The following SLC10A7 variants were observed in gnomAD, a reference collection of about 807,000 sequenced individuals.
SLC10A7 encodes the protein sodium/bile acid cotransporter 7.
In SLC10A7, 29 loss-of-function variants were observed where a neutral mutation model predicts 43.2. The observed-to-expected ratio is 0.67, with a 90% CI of 0.50 to 0.92. SLC10A7 has a LOEUF of 0.92. Among genes scored for constraint, SLC10A7 ranks in the 40% least tolerant of loss-of-function variants. The pLI, the probability that SLC10A7 is intolerant of heterozygous loss-of-function variation, is 0.00. For synonymous variants in SLC10A7, 152 were observed against 144.8 expected, an observed-to-expected ratio of 1.05 and a Z score of -0.35; for missense variants, 295 against 403.2, an observed-to-expected ratio of 0.73 and a Z score of 2.30.
intron 10 of SLC10A7, among the ~76,000 whole-genome samples, chr4:146,259,127 C>G (rs34821261): frequency 6.6e-6 from 1 of 152,062 alleles, no homozygotes; most frequent in Non-Finnish European, 1.5e-5. Flanking sequence ...GAGAAGATTG[C>G]GTGTGATGGA....
chr4:146,344,240 C>T (rs1734460852), intron 5 of SLC10A7, among the ~76,000 whole-genome samples: 1 of 152,114 alleles, frequency 6.6e-6, no homozygotes, highest in South Asian at 2.1e-4. Context: ...GGAGACTATG[C>T]CTTACACCAG....
intron 5 of SLC10A7, among the ~76,000 whole-genome samples, chr4:146,398,373 GGTTAAAGATATA>G (rs1055567855): frequency 1.3e-5 from 2 of 152,064 alleles, no homozygotes; most frequent in Non-Finnish European, 2.9e-5. Context: ...TTAACTTTCT[GGTTAAAGATATA>G]GTTAGAGAAG....
chr4:146,280,973 G>A (rs191325902), intron 10 of SLC10A7, among the ~76,000 whole-genome samples: 1 of 152,258 alleles, frequency 6.6e-6, no homozygotes, highest in East Asian at 1.9e-4. Flanking sequence ...TGTCTATCAT[G>A]TTATGAAAGT....
At chr4:146,361,037 G>A (rs139715624) in intron 5 of SLC10A7, among the ~76,000 whole-genome samples, 56 of 151,992 alleles carry the variant, frequency 3.7e-4, no homozygotes, top group Non-Finnish European at 6.8e-4. Context: ...CATCTTTCAG[G>A]TATCAGCACT....
rs1430021595 is a variant in SLC10A7 at position 146,256,509 on chromosome 4, C to T, written c.1005G>A (p.Leu335=). Residue 335 remains leucine, a synonymous_variant, in exon 12 of 12, where the codon CTG becomes CTA. Coordinates refer to ENST00000335472, the MANE Select transcript of SLC10A7 (RefSeq NM_001029998.6). ...WMVSRQKGVK[L]TRPTV is the part of the protein sequence containing the mutation. ...TCCTTTGTTATACTGTCGGCCTTGTCAGCTTCACTCCCTACAAGGAAGGAA... is the reference window on the plus strand; with the variant it reads ...TCCTTTGTTATACTGTCGGCCTTGTTAGCTTCACTCCCTACAAGGAAGGAA... The T allele has an allele frequency of 6.2e-7, 1 of 1,614,082 alleles. No individual in the cohort carries two copies. The highest frequency in any genetic ancestry group is 2.2e-5 in the East Asian group (1 of 44,892).
At chr4:146,374,665 T>C (rs1399896397) in intron 5 of SLC10A7, among the ~76,000 whole-genome samples, 46 of 147,602 alleles carry the variant, frequency 3.1e-4, no homozygotes, top group South Asian at 8.6e-4. Flanking sequence ...CACACACATA[T>C]ATATATATTT....
At chr4:146,512,039 T>C (rs540496448) in intron 2 of SLC10A7, among the ~76,000 whole-genome samples, 1 of 138,368 alleles carries the variant, frequency 7.2e-6, no homozygotes, top group Non-Finnish European at 1.5e-5. Flanking sequence ...GATGGTGCGA[T>C]CTCGGCTCAC....
intron 10 of SLC10A7, among the ~76,000 whole-genome samples, chr4:146,273,393 T>C (rs904391463): frequency 1.3e-5 from 2 of 152,084 alleles, no homozygotes; most frequent in Admixed American, 1.3e-4. Context: ...GCTTTGAAAT[T>C]AGAGACCTGA....
chr4:146,316,665 G>A (rs1484013854), intron 6 of SLC10A7, among the ~76,000 whole-genome samples: 1 of 151,996 alleles, frequency 6.6e-6, no homozygotes, highest in Non-Finnish European at 1.5e-5. Flanking sequence ...GTAGTAAAAG[G>A]TGATACTTCA....
At chr4:146,470,912 C>G (rs559861314) in intron 4 of SLC10A7, among the ~76,000 whole-genome samples, 144 of 152,276 alleles carry the variant, frequency 9.5e-4, no homozygotes, top group African/African-American at 3.4e-3. Flanking sequence ...GTGCATGTAT[C>G]ATCTTTACAT....
intron 5 of SLC10A7, among the ~76,000 whole-genome samples, chr4:146,335,250 GTAAA>G (rs1560809129): frequency 2.8e-5 from 2 of 70,624 alleles, no homozygotes; most frequent in South Asian, 6.7e-4. Context: ...CACAGATGTT[GTAAA>G]AAAAAAAAAA....
At chr4:146,371,903 G>A (rs1412910486) in intron 5 of SLC10A7, among the ~76,000 whole-genome samples, 2 of 152,154 alleles carry the variant, frequency 1.3e-5, no homozygotes, top group African/African-American at 2.4e-5. Context: ...ATAAGGAAAT[G>A]AAGTAAGTAT....
intron 4 of SLC10A7, among the ~76,000 whole-genome samples, chr4:146,450,601 G>A (rs1731496252): frequency 6.6e-6 from 1 of 152,152 alleles, no homozygotes; most frequent in Non-Finnish European, 1.5e-5. Flanking sequence ...TGAGACATCT[G>A]CAGAAAGCAG....
At chr4:146,509,766 A>G in intron 3 of SLC10A7, 147 bp downstream of exon 3, 2 of 614,934 alleles carry the variant, frequency 3.3e-6, no homozygotes, top group Non-Finnish European at 5.1e-6. Context: ...ATGAAATACT[A>G]TTGTTTTAAA....
intron 4 of SLC10A7, among the ~76,000 whole-genome samples, chr4:146,492,225 A>C (rs1189958699): frequency 6.6e-6 from 1 of 151,968 alleles, no homozygotes; most frequent in East Asian, 1.9e-4. Flanking sequence ...GTCTCAAAAA[A>C]AAAAAAGGAA....
chr4:146,344,995 T>C (rs1734519087), intron 5 of SLC10A7, among the ~76,000 whole-genome samples: 1 of 152,136 alleles, frequency 6.6e-6, no homozygotes, highest in African/African-American at 2.4e-5. Context: ...GAGAACACTG[T>C]TCCGGAAGAA....
intron 4 of SLC10A7, 96 bp downstream of exon 4, chr4:146,503,753 T>G (rs1560973337): frequency 8.9e-7 from 1 of 1,127,682 alleles, no homozygotes; most frequent in Admixed American, 2.0e-5. Context: ...AGGAGTTTTC[T>G]GCAACATCAA....
rs568812940 is a variant in SLC10A7, at chr4:146,260,906, G to A, written c.848-2069C>T. ...ACTCCCGTGCTCGCCACACCAGGAC[G>A]TCCCTGTGATTTCAAATATGTCAAA... On this transcript the variant is annotated intron_variant, in intron 10 of 11. Coordinates refer to ENST00000335472, the MANE Select transcript of SLC10A7 (RefSeq NM_001029998.6). 5.9e-4 allele frequency among the ~76,000 whole-genome samples: 90 copies of A among 152,126 alleles called. 1 individual carries two copies. Among genetic ancestry groups the A allele is most frequent in the Admixed American group, 2.3e-3 (35 of 15,268 alleles).
At chr4:146,310,357 T>G (rs909653082) in intron 6 of SLC10A7, among the ~76,000 whole-genome samples, 2 of 152,168 alleles carry the variant, frequency 1.3e-5, no homozygotes, top group Admixed American at 6.5e-5. Context: ...GATTGCTGGG[T>G]TGAATGGTAG....
Sources: allele counts gnomAD v4.1 joint callset (sites outside exome capture counted in the v4.1 genomes callset), GRCh38; gene constraint gnomAD v4.1.1; transcripts MANE v1.5; gene names NCBI Gene and HGNC (gene_info 2026-07-23, HGNC 2026-07-21).